Variants in SVIL observed in about 807,000 individuals in gnomAD.
The protein encoded by SVIL is archvillin.
SVIL carries 101 observed loss-of-function variants against 240.4 expected under a neutral mutation model. That is an observed-to-expected ratio of 0.42 (90% CI 0.36 to 0.50). The LOEUF is 0.50. SVIL is among the 20% of genes least tolerant of loss of function. The pLI is 0.01. For synonymous variants in SVIL, 999 were observed against 1,100.0 expected, an observed-to-expected ratio of 0.91 and a Z score of 1.82; for missense variants, 2,512 against 2,818.7, an observed-to-expected ratio of 0.89 and a Z score of 2.46.
At chr10:29,500,257 C>G (rs1173405640) in intron 17 of SVIL, among the ~76,000 whole-genome samples, 4 of 152,022 alleles carry the variant, frequency 2.6e-5, no homozygotes, top group Non-Finnish European at 5.9e-5. Context: ...AAACGCTGGC[C>G]GGCAGAGTTT....
intron 1 of SVIL, among the ~76,000 whole-genome samples, chr10:29,705,658 C>T (rs959585619): frequency 3.3e-5 from 5 of 152,076 alleles, no homozygotes; most frequent in African/African-American, 1.2e-4. Flanking sequence ...CCCCGAAAGG[C>T]CCCAGTGTGT....
At chr10:29,704,883 G>C (rs1263793784) in intron 1 of SVIL, among the ~76,000 whole-genome samples, 2 of 152,098 alleles carry the variant, frequency 1.3e-5, no homozygotes, top group African/African-American at 4.8e-5. Flanking sequence ...TTGGGGAAGG[G>C]AACAGGGAAC....
chr10:29,689,502 T>G (rs1676487342), intron 1 of SVIL, among the ~76,000 whole-genome samples: 1 of 152,208 alleles, frequency 6.6e-6, no homozygotes, highest in Admixed American at 6.5e-5. Context: ...GCCAGGCTGG[T>G]CTCGAACTCC....
intron 1 of SVIL, among the ~76,000 whole-genome samples, chr10:29,724,744 G>A (rs886602172): frequency 1.3e-5 from 2 of 152,080 alleles, no homozygotes; most frequent in South Asian, 4.1e-4. Flanking sequence ...ATGAGCAGCT[G>A]GGCAAGGTGG....
chr10:29,512,817 C>T lies in SVIL; in HGVS notation c.3434G>A (p.Arg1145Lys). The change falls in exon 17 of 38, where the codon AGA becomes AAA. Residue 1145 changes from arginine to lysine, a missense_variant. Arg to Lys is a conservative substitution (Grantham distance 26). Coordinates refer to ENST00000355867, the MANE Select transcript of SVIL (RefSeq NM_021738.3). ...GCCGCCCTCCTGCCTCCTGCTGAGT[C>T]TGTTTCTCCAATCTTCCTCCCCGCT... Reference protein sequence around the residue: ...KKSGEEDWRNRLSRRQEGGKA... With the variant: ...KKSGEEDWRNKLSRRQEGGKA... The T allele has an allele frequency of 6.2e-7, 1 of 1,612,626 alleles. No homozygotes were observed. The highest frequency in any genetic ancestry group is 8.5e-7 in the Non-Finnish European group (1 of 1,180,032).
chr10:29,675,420 T>C (rs1306546630), intron 2 of SVIL, among the ~76,000 whole-genome samples: 3 of 152,164 alleles, frequency 2.0e-5, no homozygotes, highest in African/African-American at 7.2e-5. Flanking sequence ...TGGAGGATCA[T>C]TTGAGCCCAG....
intron 2 of SVIL, among the ~76,000 whole-genome samples, chr10:29,676,193 C>A (rs1960186545): frequency 6.6e-6 from 1 of 152,192 alleles, no homozygotes; most frequent in Non-Finnish European, 1.5e-5. Flanking sequence ...CATCTCCTCA[C>A]CTGCAGCACC....
intron 3 of SVIL, among the ~76,000 whole-genome samples, chr10:29,641,693 C>T (rs1361190094): frequency 6.6e-6 from 1 of 152,142 alleles, no homozygotes; most frequent in Non-Finnish European, 1.5e-5. Context: ...AAAAGGTATC[C>T]AGTTACAAAT....
At chr10:29,639,213 C>T (rs539518233), upstream of SVIL, among the ~76,000 whole-genome samples, 1 of 152,298 alleles carries the variant, frequency 6.6e-6, no homozygotes, top group South Asian at 2.1e-4. Context: ...CACTCTGTCA[C>T]CAGGCTGGAG....
intron 3 of SVIL, among the ~76,000 whole-genome samples, chr10:29,646,632 G>C (rs1420728731): frequency 6.6e-6 from 1 of 152,236 alleles, no homozygotes; most frequent in Non-Finnish European, 1.5e-5. Context: ...CTCGTGGGCA[G>C]TCCAGGATAT....
chr10:29,688,619 GCA>G (rs1961271931), intron 1 of SVIL, among the ~76,000 whole-genome samples: 1 of 152,118 alleles, frequency 6.6e-6, no homozygotes, highest in South Asian at 2.1e-4. Flanking sequence ...GCACTGAAAT[GCA>G]CACAGAACTG....
rs1380283018 is a variant in SVIL at position 29,532,136 on chromosome 10, G to A, written c.1875C>T (p.Gly625=). The change falls in exon 9 of 38, where the codon GGC becomes GGT. Residue 625 remains glycine (G), a synonymous_variant. Transcript: ENST00000355867. ...TCTCCCGTTCCACACCGGTGGGCAA[G>A]CCAGGTCCTTCAGCCGACCTCTCCA... The part of the protein sequence containing the change: ...SRVERSAEGP[G]LPTGVERERG... 1.1e-5 allele frequency: 17 copies of A among 1,613,852 alleles called. No homozygotes were observed. The highest frequency in any genetic ancestry group is 2.7e-5 in the African/African-American group (2 of 74,898).
At chr10:29,599,706 C>T (rs530818100) in intron 1 of SVIL, among the ~76,000 whole-genome samples, 1 of 152,140 alleles carries the variant, frequency 6.6e-6, no homozygotes, top group Non-Finnish European at 1.5e-5. Flanking sequence ...CATGAGCCAC[C>T]ATGCCAAGCC....
intron 29 of SVIL, among the ~76,000 whole-genome samples, chr10:29,479,136 C>T (rs1946547372): frequency 6.6e-6 from 1 of 152,102 alleles, no homozygotes; most frequent in Admixed American, 6.5e-5. Flanking sequence ...TGGTTCAATG[C>T]TGACCTGCTC....
intron 1 of SVIL, among the ~76,000 whole-genome samples, chr10:29,711,208 T>C (rs1963251429): frequency 6.6e-6 from 1 of 151,924 alleles, no homozygotes; most frequent in Admixed American, 6.5e-5. Flanking sequence ...GAGACAAGCC[T>C]GGACAACATG....
intron 18 of SVIL, among the ~76,000 whole-genome samples, chr10:29,496,132 T>A (rs1423270132): frequency 4.0e-5 from 6 of 151,884 alleles, no homozygotes; most frequent in African/African-American, 1.5e-4. Flanking sequence ...TTCTGCCCCT[T>A]CCTCCTGTGA....
chr10:29,542,251 C>T (rs1952227129), intron 6 of SVIL, among the ~76,000 whole-genome samples: 1 of 151,988 alleles, frequency 6.6e-6, no homozygotes, highest in Non-Finnish European at 1.5e-5. Context: ...GCAGAACATT[C>T]ATTCAAAAAT....
At chr10:29,589,603 T>C (rs1337095139) in intron 1 of SVIL, among the ~76,000 whole-genome samples, 2 of 152,138 alleles carry the variant, frequency 1.3e-5, no homozygotes, top group Admixed American at 6.5e-5. Context: ...GAGCCCTAAT[T>C]GGAACTTCCA....
intron 32 of SVIL, among the ~76,000 whole-genome samples, chr10:29,468,637 CAT>C (rs750612023): frequency 2.0e-5 from 3 of 146,392 alleles, no homozygotes; most frequent in African/African-American, 8.1e-5. Context: ...TATATATATA[CAT>C]ATATATATAC....
Sources: allele counts gnomAD v4.1 joint callset (sites outside exome capture counted in the v4.1 genomes callset), GRCh38; gene constraint gnomAD v4.1.1; transcripts MANE v1.5; gene names NCBI Gene and HGNC (gene_info 2026-07-23, HGNC 2026-07-21).